Variants in PLA2G7 observed in about 807,000 individuals in gnomAD.
PLA2G7 encodes platelet-activating factor acetylhydrolase.
PLA2G7 carries 63 observed loss-of-function variants against 49.6 expected under a neutral mutation model. The observed-to-expected ratio is 1.27, with a 90% CI of 1.04 to 1.57. The LOEUF (loss-of-function observed/expected upper bound fraction) is 1.57, where lower values mean the gene tolerates loss of function less well. Among genes scored for constraint, PLA2G7 ranks in the 40% most tolerant of loss-of-function variants. The pLI, the probability that PLA2G7 is intolerant of heterozygous loss-of-function variation, is 0.00. For missense variants in PLA2G7, 596 were observed against 521.2 expected, an observed-to-expected ratio of 1.14 and a Z score of -1.40; for synonymous variants, 193 against 169.9, an observed-to-expected ratio of 1.14 and a Z score of -1.06.
rs1230326775 is a variant in PLA2G7, at chr6:46,710,668, T to C, written c.664-10A>G. On this transcript the variant is annotated splice_polypyrimidine_tract_variant and intron_variant, in intron 7 of 11. Transcript: ENST00000274793. ...TTGCTCTTTGCCGTACCTAATATAA[T>C]TATTAGAAGAAGGAAATGACAAAGT... 4 of 1,556,626 alleles carry C rather than the reference T, an allele frequency of 2.6e-6. No individual in the cohort carries two copies. The highest frequency in any genetic ancestry group is 2.7e-5 in the African/African-American group (2 of 73,888).
At chr6:46,713,642 T>C (rs1393342906) in intron 5 of PLA2G7, among the ~76,000 whole-genome samples, 1 of 152,192 alleles carries the variant, frequency 6.6e-6, no homozygotes, top group Non-Finnish European at 1.5e-5. Context: ...TCTCTCTTAT[T>C]TTCTGAGTTT....
chr6:46,712,103 G>A (rs571814463), intron 6 of PLA2G7, among the ~76,000 whole-genome samples, 166 bp downstream of exon 6: 1 of 152,190 alleles, frequency 6.6e-6, no homozygotes, highest in South Asian at 2.1e-4. Context: ...GTGCTTTTAA[G>A]TCTTTTAAGT....
At position 46,728,509 on chromosome 6, in the gene PLA2G7, G is replaced by A. The variant is rs570646364; in HGVS notation, c.-34-5584C>T. 8.5e-5 allele frequency among the ~76,000 whole-genome samples: 13 copies of A among 152,338 alleles called. No individual in the cohort carries two copies. The South Asian group carries it at 1.5e-3, about 17-fold the overall frequency. ...GAAATATTTATTTCATTCTAGGGAG[G>A]CAGATGCATGAGATGCAAAACCTGC... On this transcript the variant is annotated intron_variant, in intron 1 of 11. Coordinates refer to ENST00000274793, the MANE Select transcript of PLA2G7 (RefSeq NM_005084.4).
At chr6:46,732,922 T>C (rs1052967241) in intron 1 of PLA2G7, among the ~76,000 whole-genome samples, 38 of 152,202 alleles carry the variant, frequency 2.5e-4, no homozygotes, top group African/African-American at 9.2e-4. Flanking sequence ...GCTTTTATTT[T>C]ATGGAAATTT....
chr6:46,716,393 A>G lies in PLA2G7; in HGVS notation c.367T>C (p.Leu123=). 6.2e-7 allele frequency: 1 copy of G among 1,614,154 alleles called. No individual in the cohort carries two copies. Among genetic ancestry groups the G allele is most frequent in the African/African-American group, 1.3e-5 (1 of 75,072 alleles). The change falls in exon 4 of 12, where the codon TTA becomes CTA. Residue 123 remains leucine, a synonymous_variant. Transcript: ENST00000274793. Reference sequence around the variant, plus strand: ...TCAACAGAAATCTTACCAAAGAGTAACCTCAAAATGTTGCCCATAAGCCAG... The same window carrying G: ...TCAACAGAAATCTTACCAAAGAGTAGCCTCAAAATGTTGCCCATAAGCCAG... The part of the protein sequence containing the change: ...THWLMGNILR[L]LFGSMTTPAN...
intron 10 of PLA2G7, among the ~76,000 whole-genome samples, chr6:46,705,852 T>C (rs966301324): frequency 1.3e-5 from 2 of 152,236 alleles, no homozygotes; most frequent in African/African-American, 4.8e-5. Flanking sequence ...AGAATGGCCT[T>C]TTTTAAGTCC....
rs541899607 is a variant in PLA2G7, at chr6:46,721,848, A to G, written c.109+935T>C. 8.5e-5 allele frequency among the ~76,000 whole-genome samples: 13 copies of G among 152,164 alleles called. 1 individual carries two copies. The South Asian group carries it at 2.7e-3, about 32-fold the overall frequency. ...AAAATTTAAGGTACTGAATTATGAA[A>G]GCTCTTTTGCAAATGCTATCGTAAG... On this transcript the variant is annotated intron_variant, in intron 2 of 11. Coordinates refer to ENST00000274793, the MANE Select transcript of PLA2G7 (RefSeq NM_005084.4).
At chr6:46,705,476 TA>T (rs1420620800) in intron 10 of PLA2G7, among the ~76,000 whole-genome samples, 175 bp from the exon 11 acceptor site, 1 of 152,352 alleles carries the variant, frequency 6.6e-6, no homozygotes, top group East Asian at 1.9e-4. Flanking sequence ...GCTGTTTGTT[TA>T]GGGATCCCAG....
chr6:46,706,916 C>A (rs2150691337), intron 10 of PLA2G7, among the ~76,000 whole-genome samples: 1 of 152,230 alleles, frequency 6.6e-6, no homozygotes, highest in Admixed American at 6.5e-5. Context: ...TCTATGAATC[C>A]TTTTCTGTTG....
rs189674275 is a variant in PLA2G7, at chr6:46,734,221, G to T, written c.-35+959C>A. ...TGTGATCTTATCTGGCCGGCAGGGGGATGCTCCAGGTAGGACAAAGAGTGC... is the reference window on the plus strand; with the variant it reads ...TGTGATCTTATCTGGCCGGCAGGGGTATGCTCCAGGTAGGACAAAGAGTGC... On this transcript the variant is annotated intron_variant, in intron 1 of 11. Transcript: ENST00000274793. Among the ~76,000 whole-genome samples the T allele has an allele frequency of 3.0e-3, 449 of 152,186 alleles. 2 individuals are homozygous for T. Among genetic ancestry groups the T allele is most frequent in the African/African-American group, 0.011 (439 of 41,520 alleles).
chr6:46,714,688 TAA>T, intron 4 of PLA2G7, 135 bp from the exon 5 acceptor site: 1 of 680,680 alleles, frequency 1.5e-6, no homozygotes, highest in South Asian at 1.6e-5. Context: ...GTAGATTCAT[TAA>T]AAAGACTGCT....
At chr6:46,733,296 A>G (rs923232100) in intron 1 of PLA2G7, among the ~76,000 whole-genome samples, 1 of 152,214 alleles carries the variant, frequency 6.6e-6, no homozygotes, top group African/African-American at 2.4e-5. Flanking sequence ...AGAGGAAATG[A>G]GGACCCAGCT....
At chr6:46,731,319 G>A (rs955044559) in intron 1 of PLA2G7, among the ~76,000 whole-genome samples, 2 of 152,082 alleles carry the variant, frequency 1.3e-5, no homozygotes, top group Non-Finnish European at 2.9e-5. Flanking sequence ...ACCCAACTCT[G>A]GTCCACAGAC....
intron 5 of PLA2G7, 105 bp from the exon 6 acceptor site, chr6:46,712,442 T>C: frequency 1.3e-6 from 1 of 796,214 alleles, no homozygotes; most frequent in Non-Finnish European, 2.2e-6. Flanking sequence ...CCTGTAGTAG[T>C]GCCCTGGGGT....
intron 2 of PLA2G7, among the ~76,000 whole-genome samples, chr6:46,718,756 A>G (rs1248487779): frequency 6.6e-6 from 1 of 152,244 alleles, no homozygotes; most frequent in Non-Finnish European, 1.5e-5. Flanking sequence ...GCATGTGTGT[A>G]TACACACATG....
In PLA2G7 at chr6:46,708,137, C is replaced by A; in HGVS notation, c.894G>T (p.Trp298Cys). The A allele has an allele frequency of 6.2e-7, 1 of 1,612,650 alleles. No homozygotes were observed. Among genetic ancestry groups the A allele is most frequent in the South Asian group, 1.1e-5 (1 of 91,050 alleles). Reference sequence around the variant, plus strand: ...ATACTTCATCACCCAGTGGAAACATCCATGCATCCAGGGCAATACCACATC... The same window carrying A: ...ATACTTCATCACCCAGTGGAAACATACATGCATCCAGGGCAATACCACATC... ...RFRCGIALDAWMFPLGDEVYS... is the reference protein window; with the variant it reads ...RFRCGIALDACMFPLGDEVYS... Residue 298 changes from tryptophan to cysteine, a missense_variant, in exon 10 of 12, where the codon TGG (tryptophan) becomes TGT (cysteine). Physicochemically the swap from Trp to Cys is radical, Grantham distance 215. Transcript: ENST00000274793.
intron 10 of PLA2G7, 141 bp downstream of exon 10, chr6:46,707,850 C>CTGAGA (rs1205581675): frequency 2.0e-5 from 12 of 611,776 alleles, no homozygotes; most frequent in Non-Finnish European, 3.2e-5. Context: ...TACTTAGAAA[C>CTGAGA]TGAGATTATC....
chr6:46,734,998 C>T (rs1562084272), intron 1 of PLA2G7, among the ~76,000 whole-genome samples, 182 bp downstream of exon 1: 1 of 152,170 alleles, frequency 6.6e-6, no homozygotes. Context: ...TCTCCCTCTC[C>T]CCGCAAGGAT....
Position 46,709,241 on chromosome 6 carries a change from A to G in PLA2G7, c.869+86T>C, listed in dbSNP as rs985430976. ...AACTCCAAGAGATCCCTTCTTCACT[A>G]AGAATTTGAATAAAAAATTATATCT... On this transcript the variant is annotated intron_variant, in intron 9 of 11. Coordinates refer to ENST00000274793, the MANE Select transcript of PLA2G7 (RefSeq NM_005084.4). The G allele has an allele frequency of 1.1e-5, 9 of 828,632 alleles. No homozygotes were observed. In the African/African-American group the frequency reaches 1.4e-4, roughly 13 times the overall value. The allele number at this position is 828,632 out of a possible 1,614,324, so 51.3% of individuals were successfully genotyped here.
Sources: gnomAD v4.1 joint callset for allele counts (sites outside exome capture counted in the v4.1 genomes callset) on GRCh38, gnomAD v4.1.1 for gene constraint, MANE v1.5 for transcripts, NCBI Gene and HGNC (gene_info 2026-07-23, HGNC 2026-07-21) for gene names.